The following SLC24A3 variants were observed in gnomAD, a reference collection of about 807,000 sequenced individuals.
SLC24A3 encodes sodium/potassium/calcium exchanger 3.
A neutral mutation model predicts 75.8 loss-of-function variants in SLC24A3; 28 were observed. The ratio of observed to expected loss-of-function variants is 0.37; its 90% CI spans 0.27 to 0.51. SLC24A3 has a LOEUF of 0.51. SLC24A3 is among the 20% of genes least tolerant of loss of function. The probability of loss-of-function intolerance (pLI) is 0.94; values close to 1 mark genes in which losing one functional copy is unlikely to be tolerated. For synonymous variants in SLC24A3, 372 were observed against 334.1 expected (o/e 1.11, Z -1.24); for missense variants, 663 against 847.8 (o/e 0.78, Z 2.71).
intron 3 of SLC24A3, among the ~76,000 whole-genome samples, chr20:19,578,961 A>G (rs2122630796): frequency 6.6e-6 from 1 of 152,272 alleles, no homozygotes; most frequent in African/African-American, 2.4e-5. Context: ...TTCCTGGTCC[A>G]CAGCAAGCAA....
intron 2 of SLC24A3, among the ~76,000 whole-genome samples, chr20:19,379,263 G>T (rs1333502208): frequency 6.6e-6 from 1 of 152,102 alleles, no homozygotes; most frequent in African/African-American, 2.4e-5. Flanking sequence ...ACTAGGAGCT[G>T]GGGGCACCCT....
chr20:19,455,613 A>T (rs761036484), intron 2 of SLC24A3, among the ~76,000 whole-genome samples: 1 of 152,228 alleles, frequency 6.6e-6, no homozygotes, highest in Non-Finnish European at 1.5e-5. Flanking sequence ...GATAAACCCC[A>T]GCCTCTTCAC....
chr20:19,647,114 C>T (rs887495063), intron 6 of SLC24A3, among the ~76,000 whole-genome samples: 3 of 152,054 alleles, frequency 2.0e-5, no homozygotes, highest in Non-Finnish European at 2.9e-5. Flanking sequence ...AACCAATGAC[C>T]GATGGAAGTG....
At chr20:19,448,436 A>G (rs1400308231) in intron 2 of SLC24A3, among the ~76,000 whole-genome samples, 1 of 152,212 alleles carries the variant, frequency 6.6e-6, no homozygotes, top group East Asian at 1.9e-4. Flanking sequence ...TCAATGGCTG[A>G]TTCCAAATGC....
intron 1 of SLC24A3, among the ~76,000 whole-genome samples, chr20:19,223,927 C>A (rs745557078): frequency 2.6e-5 from 4 of 152,162 alleles, no homozygotes; most frequent in Non-Finnish European, 4.4e-5. Flanking sequence ...ATGTCCCAGG[C>A]GGGACAGAGC....
At chr20:19,314,824 CT>C (rs1397236979) in intron 2 of SLC24A3, among the ~76,000 whole-genome samples, 1 of 152,244 alleles carries the variant, frequency 6.6e-6, no homozygotes, top group African/African-American at 2.4e-5. Context: ...AGGCCTTGGC[CT>C]GTCGGTGTGT....
At chr20:19,412,162 T>A (rs763146517) in intron 2 of SLC24A3, among the ~76,000 whole-genome samples, 1 of 152,218 alleles carries the variant, frequency 6.6e-6, no homozygotes, top group Non-Finnish European at 1.5e-5. Context: ...AATTTATCTC[T>A]CACTATTTTT....
intron 2 of SLC24A3, among the ~76,000 whole-genome samples, chr20:19,427,430 T>TA (rs1369626173): frequency 6.6e-6 from 1 of 152,190 alleles, no homozygotes; most frequent in Admixed American, 6.5e-5. Context: ...CTGAAAAAAA[T>TA]ATATTGAGCA....
At chr20:19,531,403 G>A (rs2030296362) in intron 3 of SLC24A3, among the ~76,000 whole-genome samples, 2 of 152,216 alleles carry the variant, frequency 1.3e-5, no homozygotes, top group Admixed American at 6.5e-5. Context: ...TACAAATACA[G>A]CATTCAGTTG....
chr20:19,663,945 T>G (rs2032368650), intron 7 of SLC24A3, among the ~76,000 whole-genome samples: 1 of 152,170 alleles, frequency 6.6e-6, no homozygotes. Context: ...TCCAAGCTTT[T>G]CCTTTGCAGA....
chr20:19,678,073 A>G (rs568787917), intron 9 of SLC24A3, among the ~76,000 whole-genome samples: 14 of 151,240 alleles, frequency 9.3e-5, no homozygotes, highest in Non-Finnish European at 3.0e-5. Flanking sequence ...TTTTCTTAGT[A>G]CAGAACAAAA....
intron 3 of SLC24A3, 36 bp downstream of exon 3, chr20:19,515,600 A>G: frequency 6.2e-7 from 1 of 1,605,262 alleles, no homozygotes; most frequent in Non-Finnish European, 8.5e-7. Flanking sequence ...TGGAGGGTCC[A>G]TAGGCTAGGC....
At chr20:19,461,540 T>C (rs1987675547) in intron 2 of SLC24A3, among the ~76,000 whole-genome samples, 1 of 134,608 alleles carries the variant, frequency 7.4e-6, no homozygotes, top group African/African-American at 3.1e-5. Context: ...TTTTTTTTTT[T>C]TTTTTTTTTT....
chr20:19,261,674 T>G (rs1982993105), intron 1 of SLC24A3: 1 of 152,248 alleles, frequency 6.6e-6, no homozygotes, highest in South Asian at 2.1e-4. Context: ...AAAATATCTG[T>G]GTCCAAGCTT....
At chr20:19,622,612 T>C (rs1262899873) in intron 6 of SLC24A3, among the ~76,000 whole-genome samples, 2 of 152,192 alleles carry the variant, frequency 1.3e-5, no homozygotes, top group African/African-American at 4.8e-5. Flanking sequence ...AACTGGGGAA[T>C]AGAGTATCTG....
In SLC24A3 at chr20:19,280,950, T is replaced by A; in HGVS notation, c.143-9T>A. On this transcript the variant is annotated splice_polypyrimidine_tract_variant and intron_variant, in intron 1 of 16. Coordinates refer to ENST00000328041, the MANE Select transcript of SLC24A3 (RefSeq NM_020689.4). Reference sequence around the variant, plus strand: ...GAATGATGTGTGGTTATTGTCTTTGTCTCCCCAGAGCTTGACCTCATGGAC... The same window carrying A: ...GAATGATGTGTGGTTATTGTCTTTGACTCCCCAGAGCTTGACCTCATGGAC... 6.2e-7 allele frequency: 1 copy of A among 1,612,874 alleles called. No homozygotes were observed. Among genetic ancestry groups the A allele is most frequent in the Middle Eastern group, 1.7e-4 (1 of 6,056 alleles).
chr20:19,491,354 A>T (rs1022351395), intron 2 of SLC24A3, among the ~76,000 whole-genome samples: 1 of 152,128 alleles, frequency 6.6e-6, no homozygotes, highest in Non-Finnish European at 1.5e-5. Context: ...CTCTTCAAAG[A>T]TGGTTCTTTC....
chr20:19,476,781 G>A (rs1489101563), intron 2 of SLC24A3, among the ~76,000 whole-genome samples: 1 of 152,040 alleles, frequency 6.6e-6, no homozygotes, highest in East Asian at 1.9e-4. Context: ...CCCAGGCAGG[G>A]CTCCTCTCCC....
chr20:19,372,779 C>T (rs1189114241), intron 2 of SLC24A3, among the ~76,000 whole-genome samples: 3 of 151,896 alleles, frequency 2.0e-5, no homozygotes, highest in East Asian at 1.9e-4. Context: ...GGAAAATGCC[C>T]GGCTTTCCCT....
Sources: gnomAD v4.1 joint callset for allele counts (sites outside exome capture counted in the v4.1 genomes callset) on GRCh38, gnomAD v4.1.1 for gene constraint, MANE v1.5 for transcripts, NCBI Gene and HGNC (gene_info 2026-07-23, HGNC 2026-07-21) for gene names.